Variants in FANCD2 observed in about 807,000 individuals in gnomAD.
The protein encoded by FANCD2 is FA complementation group D2.
A neutral mutation model predicts 192.3 loss-of-function variants in FANCD2; 131 were observed. The observed-to-expected ratio is 0.68, with a 90% CI of 0.59 to 0.79. The LOEUF is 0.79. Among genes scored for constraint, FANCD2 ranks in the 30% least tolerant of loss-of-function variants. The probability of loss-of-function intolerance (pLI) is 0.00; values close to 1 mark genes in which losing one functional copy is unlikely to be tolerated. For synonymous variants in FANCD2, 524 were observed against 612.5 expected (o/e 0.86, Z 2.13); for missense variants, 1,508 against 1,701.6 (o/e 0.89, Z 2.00).
At chr3:10,070,431 C>T (rs1284585177) in intron 26 of FANCD2, among the ~76,000 whole-genome samples, 1 of 132,934 alleles carries the variant, frequency 7.5e-6, no homozygotes, top group African/African-American at 2.9e-5. Context: ...TGAGGGGCGC[C>T]TCTGCCCAGC....
chr3:10,077,333 T>A (rs1442296503), intron 29 of FANCD2, among the ~76,000 whole-genome samples: 1 of 93,258 alleles, frequency 1.1e-5, no homozygotes, highest in Non-Finnish European at 2.1e-5. Flanking sequence ...GAGACAGGCG[T>A]TATCACCTGA....
At chr3:10,053,726 G>C (rs1258658429) in intron 18 of FANCD2, among the ~76,000 whole-genome samples, 2 of 151,042 alleles carry the variant, frequency 1.3e-5, no homozygotes, top group Non-Finnish European at 2.9e-5. Flanking sequence ...CAAACATTAA[G>C]TGCCTATTCT....
At chr3:10,053,359 CA>C (rs2087274955) in intron 18 of FANCD2, among the ~76,000 whole-genome samples, 1 of 146,028 alleles carries the variant, frequency 6.8e-6, no homozygotes, top group Non-Finnish European at 1.5e-5. Context: ...AGGGGAACAT[CA>C]CACTCTGGGG....
chr3:10,034,584 G>T (rs2086684554), intron 4 of FANCD2, 48 bp downstream of exon 4: 1 of 1,545,430 alleles, frequency 6.5e-7, no homozygotes, highest in African/African-American at 1.4e-5. Context: ...CATAACTCTA[G>T]AATTTGGAAT....
chr3:10,046,605 T>C lies in FANCD2; in HGVS notation c.1160T>C (p.Ile387Thr). Reference protein sequence around the residue: ...HKVFDLVMLFIIYSTNTQTKK... With the variant: ...HKVFDLVMLFTIYSTNTQTKK... ...GTGTTTGACCTGGTGATGCTTTTCA[T>C]CATCTATAGCACCAATACTCAGACA... is the stretch of plus-strand genomic sequence containing the variant. Residue 387 changes from isoleucine (I) to threonine (T), a missense_variant, in exon 15 of 44, where the codon ATC (isoleucine) becomes ACC (threonine). By Grantham distance (89) the Ile-to-Thr change is moderately conservative. This residue lies in a region of FANCD2 where 108 missense variants were observed against 174.1 expected (regional missense o/e 0.62). Coordinates refer to ENST00000675286, the MANE Select transcript of FANCD2 (RefSeq NM_001018115.3). 4.3e-6 allele frequency: 7 copies of C among 1,614,248 alleles called. No homozygotes were observed. Among genetic ancestry groups the C allele is most frequent in the Non-Finnish European group, 5.9e-6 (7 of 1,180,032 alleles).
Position 10,046,288 on chromosome 3 carries a change from T to C in FANCD2, c.1135-292T>C, listed in dbSNP as rs55839320. 4.1e-3 allele frequency: 1,498 copies of C among 366,710 alleles called. 39 individuals are homozygous for C. The East Asian group carries it at 0.057, about 14-fold the overall frequency. The allele number at this position is 366,710 out of a possible 1,614,324, so 22.7% of individuals were successfully genotyped here. A position where few individuals can be genotyped will look rare whatever the true frequency, so the allele number is the denominator to read the frequency against. On this transcript the variant is annotated intron_variant, in intron 14 of 43. Coordinates refer to ENST00000675286, the MANE Select transcript of FANCD2 (RefSeq NM_001018115.3). The stretch of plus-strand genomic sequence containing the variant: ...CAGGATGGTCTCGATCTCCTGACCT[T>C]GTGATCTGCCCGCCTTGGCCTCCCA...
In FANCD2 at chr3:10,090,314, C is replaced by G. The variant is rs771078251; in HGVS notation, c.3706C>G (p.Arg1236Gly). ...LTRHTFVVFFRVMMAELEKTV... is the reference protein window; with the variant it reads ...LTRHTFVVFFGVMMAELEKTV... ...TAGGCATACTTTTGTTGTTTTCTTC[C>G]GTGTGATGATGGCTGAACTAGAGAA... is the stretch of plus-strand genomic sequence containing the variant. Residue 1236 changes from arginine to glycine, a missense_variant, in exon 37 of 44, where the codon CGT becomes GGT. By Grantham distance (125) the Arg-to-Gly change is moderately radical. Around this residue, in one of 5 missense-constraint regions of FANCD2, gnomAD observed 796 missense variants for 879.4 expected, o/e 0.91. Coordinates refer to ENST00000675286, the MANE Select transcript of FANCD2 (RefSeq NM_001018115.3). The G allele has an allele frequency of 1.2e-6, 2 of 1,613,442 alleles. No homozygotes were observed. Among genetic ancestry groups the G allele is most frequent in the Non-Finnish European group, 1.7e-6 (2 of 1,179,756 alleles).
intron 30 of FANCD2, among the ~76,000 whole-genome samples, chr3:10,078,836 G>A (rs1693673786): frequency 6.6e-6 from 1 of 151,918 alleles, no homozygotes; most frequent in African/African-American, 2.4e-5. Flanking sequence ...GCATGGTGGT[G>A]CAGCTATAGT....
intron 26 of FANCD2, among the ~76,000 whole-genome samples, chr3:10,069,867 C>T (rs1693083445): frequency 6.6e-6 from 1 of 152,110 alleles, no homozygotes; most frequent in Admixed American, 6.5e-5. Context: ...AGATTGCAGC[C>T]TCTGCCCGGC....
At position 10,065,459 on chromosome 3, in the gene FANCD2, A is replaced by G. The variant is rs2087692676; in HGVS notation, c.2234A>G (p.His745Arg). ...RLLRLCVERQ[H>R]NGNLEEIDGL... The stretch of plus-strand genomic sequence containing the variant: ...CTGAGACTTTGTGTGGAGAGACAGC[A>G]TAACGGAAACTTGGAGGAGATTGAT... The change falls in exon 24 of 44, where the codon CAT becomes CGT. Residue 745 changes from histidine to arginine, a missense_variant. Around this residue, in one of 5 missense-constraint regions of FANCD2, gnomAD observed 796 missense variants for 879.4 expected, o/e 0.91. Transcript: ENST00000675286. 6.2e-7 allele frequency: 1 copy of G among 1,613,768 alleles called. No homozygotes were observed. The highest frequency in any genetic ancestry group is 1.3e-5 in the African/African-American group (1 of 74,942).
chr3:10,032,771 G>C, intron 2 of FANCD2, 61 bp from the exon 3 acceptor site: 4 of 1,421,654 alleles, frequency 2.8e-6, no homozygotes, highest in Non-Finnish European at 4.0e-6. Context: ...TTATTCCTGG[G>C]TTTAAGTTTT....
At chr3:10,051,440 T>A (rs2087213644) in intron 17 of FANCD2, among the ~76,000 whole-genome samples, 1 of 19,094 alleles carries the variant, frequency 5.2e-5, no homozygotes, top group Non-Finnish European at 9.3e-5. Flanking sequence ...CTCCCAGTGT[T>A]GGACACTGAA....
At chr3:10,057,107 C>G (rs1034977956) in intron 18 of FANCD2, among the ~76,000 whole-genome samples, 2 of 152,334 alleles carry the variant, frequency 1.3e-5, no homozygotes, top group African/African-American at 4.8e-5. Flanking sequence ...CCACCCACCT[C>G]TGCCTCCCAA....
chr3:10,042,229 G>A (rs1294762744), intron 10 of FANCD2, among the ~76,000 whole-genome samples: 1 of 152,050 alleles, frequency 6.6e-6, no homozygotes, highest in African/African-American at 2.4e-5. Context: ...AGTTTTGAGT[G>A]GAAATCTTCC....
intron 42 of FANCD2, among the ~76,000 whole-genome samples, chr3:10,097,435 C>T (rs1026630237): frequency 6.6e-6 from 1 of 152,204 alleles, no homozygotes; most frequent in Admixed American, 6.6e-5. Flanking sequence ...CCTAGGTGTG[C>T]ATTCTCTTTC....
chr3:10,069,848 A>G (rs895060334), intron 26 of FANCD2, among the ~76,000 whole-genome samples: 11 of 152,094 alleles, frequency 7.2e-5, no homozygotes, highest in Non-Finnish European at 1.6e-4. Flanking sequence ...TTGGCCTCCC[A>G]AAGTGCCGAG....
At chr3:10,035,340 T>G (rs1015926617) in intron 6 of FANCD2, 107 bp downstream of exon 6, 27 of 1,011,110 alleles carry the variant, frequency 2.7e-5, no homozygotes, top group Admixed American at 1.6e-4. Context: ...TTGGAGAATT[T>G]GGGTTTGTAG....
intron 17 of FANCD2, among the ~76,000 whole-genome samples, chr3:10,049,770 C>T (rs1350567947): frequency 6.6e-6 from 1 of 152,156 alleles, no homozygotes; most frequent in Non-Finnish European, 1.5e-5. Context: ...ATGGTGAATT[C>T]TCTGGTAAAG....
At chr3:10,080,977 C>A in intron 30 of FANCD2, 123 bp from the exon 31 acceptor site, 2 of 1,028,554 alleles carry the variant, frequency 1.9e-6, no homozygotes, top group Non-Finnish European at 3.0e-6. Flanking sequence ...CTTAGGTTAA[C>A]AACTCATTTC....
Sources: allele counts gnomAD v4.1 joint callset (sites outside exome capture counted in the v4.1 genomes callset), GRCh38; gene constraint gnomAD v4.1.1; regional missense constraint gnomAD v4.1.1; transcripts MANE v1.5; gene names NCBI Gene and HGNC (gene_info 2026-07-23, HGNC 2026-07-21).